The following HSD17B11 variants were observed in gnomAD, a reference collection of about 807,000 sequenced individuals.
The protein encoded by HSD17B11 is hydroxysteroid 17-beta dehydrogenase 11, also known as estradiol 17-beta-dehydrogenase 11.
A neutral mutation model predicts 27.8 loss-of-function variants in HSD17B11; 22 were observed. The observed-to-expected ratio is 0.79, with a 90% CI of 0.56 to 1.13. The LOEUF (loss-of-function observed/expected upper bound fraction) is 1.13. Ranked by LOEUF, HSD17B11 falls within the 50% of genes most tolerant of loss-of-function variation. The pLI, the probability that HSD17B11 is intolerant of heterozygous loss-of-function variation, is 0.00. For missense variants in HSD17B11, 314 were observed against 351.1 expected (o/e 0.89, Z 0.84); for synonymous variants, 117 against 132.8 (o/e 0.88, Z 0.82).
At chr4:87,371,502 G>T (rs1372790509) in intron 4 of HSD17B11, among the ~76,000 whole-genome samples, 1 of 152,156 alleles carries the variant, frequency 6.6e-6, no homozygotes, top group Non-Finnish European at 1.5e-5. Context: ...GACCTGCATG[G>T]TAGTTAAATG....
intron 5 of HSD17B11, among the ~76,000 whole-genome samples, chr4:87,342,795 T>C (rs1163559833): frequency 6.6e-6 from 1 of 152,128 alleles, no homozygotes; most frequent in Non-Finnish European, 1.5e-5. Context: ...GCAATAGTAT[T>C]ACATATGAAA....
rs1735069564 is a variant in HSD17B11, at chr4:87,337,066, A to G, written c.*210T>C. ...CTTTTTCTTCATTTTCCTTAAAGTC[A>G]CCTCTAAAGGTATTTCTCTGTTTAT... On this transcript the variant is annotated 3_prime_UTR_variant, in exon 7 of 7. Coordinates refer to ENST00000358290, the MANE Select transcript of HSD17B11 (RefSeq NM_016245.5). 2 of 458,682 alleles carry G rather than the reference A, an allele frequency of 4.4e-6. No individual in the cohort carries two copies. The highest frequency in any genetic ancestry group is 7.6e-6 in the Non-Finnish European group (2 of 261,702). 28.4% of individuals were successfully genotyped at this position (458,682 alleles called of 1,614,324 possible). A position where few individuals can be genotyped will look rare whatever the true frequency, so the allele number is the denominator to read the frequency against.
chr4:87,363,424 A>G (rs577220220), intron 4 of HSD17B11, among the ~76,000 whole-genome samples: 19 of 152,310 alleles, frequency 1.2e-4, no homozygotes, highest in Non-Finnish European at 2.5e-4. Context: ...GTAGAGGGGT[A>G]CTTCAGGATA....
chr4:87,390,808 A>G lies in HSD17B11; in HGVS notation c.210+53T>C, dbSNP rs1036838873. ...AAGGGTGGTTGCCAGCAAAATGCAGACACATCCACAAATTAAAGGTACCAG... is the reference window on the plus strand; with the variant it reads ...AAGGGTGGTTGCCAGCAAAATGCAGGCACATCCACAAATTAAAGGTACCAG... On this transcript the variant is annotated intron_variant, in intron 1 of 6. Coordinates refer to ENST00000358290, the MANE Select transcript of HSD17B11 (RefSeq NM_016245.5). 3 of 1,511,724 alleles carry G rather than the reference A, an allele frequency of 2.0e-6. No individual in the cohort carries two copies. The South Asian group carries it at 3.4e-5, about 17-fold the overall frequency. 93.6% of individuals were successfully genotyped at this position (1,511,724 alleles called of 1,614,324 possible).
At chr4:87,389,482 C>T (rs759889156) in intron 1 of HSD17B11, among the ~76,000 whole-genome samples, 4 of 152,158 alleles carry the variant, frequency 2.6e-5, no homozygotes, top group Non-Finnish European at 5.9e-5. Flanking sequence ...CCTCGGCCTC[C>T]AAAAGTGCTG....
chr4:87,385,345 A>G (rs937681506), intron 1 of HSD17B11, among the ~76,000 whole-genome samples: 1 of 152,198 alleles, frequency 6.6e-6, no homozygotes, highest in African/African-American at 2.4e-5. Flanking sequence ...TACCATATGA[A>G]TGTACTTATA....
chr4:87,388,888 T>C (rs1296256223), intron 1 of HSD17B11, among the ~76,000 whole-genome samples: 1 of 152,210 alleles, frequency 6.6e-6, no homozygotes, highest in Non-Finnish European at 1.5e-5. Flanking sequence ...AACTCTTACA[T>C]ACATTTAAAT....
intron 4 of HSD17B11, among the ~76,000 whole-genome samples, chr4:87,369,425 C>T (rs1174788809): frequency 2.1e-5 from 3 of 141,054 alleles, no homozygotes; most frequent in Non-Finnish European, 3.0e-5. Context: ...ACTTCTTATT[C>T]CAAATTCTTT....
At chr4:87,364,849 A>T (rs991327620) in intron 4 of HSD17B11, among the ~76,000 whole-genome samples, 6 of 152,164 alleles carry the variant, frequency 3.9e-5, no homozygotes, top group Non-Finnish European at 7.3e-5. Flanking sequence ...CAAGGGCTCC[A>T]CTCTGAAACC....
rs1735787882 is a variant in HSD17B11 at position 87,374,843 on chromosome 4, AAAT to A, written c.319-16_319-14del. The A allele has an allele frequency of 1.3e-6, 2 of 1,549,376 alleles. No individual in the cohort carries two copies. The highest frequency in any genetic ancestry group is 2.8e-5 in the African/African-American group (2 of 71,832). On this transcript the variant is annotated splice_polypyrimidine_tract_variant and intron_variant, in intron 2 of 6. Coordinates refer to ENST00000358290, the MANE Select transcript of HSD17B11 (RefSeq NM_016245.5). The stretch of plus-strand genomic sequence containing the variant: ...TTTCTGCCTTCACCTTCAAAAAATA[AAAT>A]AAGAAAAGTAAATTCATTAAGAGGT...
intron 1 of HSD17B11, among the ~76,000 whole-genome samples, chr4:87,383,044 A>G (rs1010953851): frequency 2.0e-5 from 3 of 152,212 alleles, no homozygotes; most frequent in Non-Finnish European, 4.4e-5. Flanking sequence ...ACGGGAACAC[A>G]GAGGGGCACA....
intron 1 of HSD17B11, among the ~76,000 whole-genome samples, chr4:87,385,462 A>G (rs568292068): frequency 3.9e-5 from 6 of 152,206 alleles, no homozygotes; most frequent in Admixed American, 3.9e-4. Context: ...ATGGGTACAG[A>G]TTTTCATCTT....
At chr4:87,375,189 G>A (rs1285191316) in intron 2 of HSD17B11, among the ~76,000 whole-genome samples, 1 of 152,164 alleles carries the variant, frequency 6.6e-6, no homozygotes, top group Non-Finnish European at 1.5e-5. Context: ...ATGAGTCACT[G>A]TTCCCGTCTT....
rs1434743137 is a variant in HSD17B11, at chr4:87,372,715, G to C, written c.551C>G (p.Ala184Gly). 6.3e-7 allele frequency: 1 copy of C among 1,595,020 alleles called. No individual in the cohort carries two copies. The highest frequency in any genetic ancestry group is 2.2e-5 in the East Asian group (1 of 44,832). The change falls in exon 4 of 7, where the codon GCT becomes GGT. Residue 184 changes from alanine (A) to glycine (G), a missense_variant. Physicochemically the swap from Ala to Gly is moderately conservative, Grantham distance 60. Transcript: ENST00000358290. The stretch of plus-strand genomic sequence containing the variant: ...GAAACACATGTTCACATACCAGTAA[G>C]CCAGTAAGAAGGGGACCGAGACATG... ...AGHVSVPFLLAYCSSKFAAVG... is the reference protein window; with the variant it reads ...AGHVSVPFLLGYCSSKFAAVG...
At chr4:87,381,187 A>C (rs796833805) in intron 2 of HSD17B11, among the ~76,000 whole-genome samples, 481 of 27,080 alleles carry the variant, frequency 0.018, 1 homozygote, top group Middle Eastern at 0.028. Context: ...ACTCCATTTC[A>C]AAAAAAAAAA....
At position 87,347,050 on chromosome 4, in the gene HSD17B11, G is replaced by A. The variant is rs528066988; in HGVS notation, c.696-6444C>T. Among the ~76,000 whole-genome samples, 3 of 149,308 alleles carry A rather than the reference G, an allele frequency of 2.0e-5. No homozygotes were observed. The South Asian group carries it at 6.4e-4, about 32-fold the overall frequency. On this transcript the variant is annotated intron_variant, in intron 5 of 6. Coordinates refer to ENST00000358290, the MANE Select transcript of HSD17B11 (RefSeq NM_016245.5). ...TAAACAGTAAATTGTATTGATTATTGGGAGCAATAGCATCTCCTAGTGATG... is the reference window on the plus strand; with the variant it reads ...TAAACAGTAAATTGTATTGATTATTAGGAGCAATAGCATCTCCTAGTGATG...
chr4:87,340,539 T>G lies in HSD17B11; in HGVS notation c.763A>C (p.Lys255Gln). The G allele has an allele frequency of 3.7e-6, 6 of 1,611,522 alleles. No homozygotes were observed. Among genetic ancestry groups the G allele is most frequent in the South Asian group, 1.1e-5 (1 of 90,442 alleles). The change falls in exon 6 of 7, where the codon AAG (lysine) becomes CAG (glutamine). Residue 255 changes from lysine (K) to glutamine (Q), a missense_variant. By Grantham distance (53) the Lys-to-Gln change is moderately conservative. Coordinates refer to ENST00000358290, the MANE Select transcript of HSD17B11 (RefSeq NM_016245.5). ...RLMHGILTEQ[K>Q]MIFIPSSIAF... is the part of the protein sequence containing the mutation. The stretch of plus-strand genomic sequence containing the variant: ...ATAGAAGATGGAATAAAAATCATCT[T>G]CTGCTCAGTCAGAATCCCATGCATC...
chr4:87,375,000 T>C (rs941447869), intron 2 of HSD17B11, among the ~76,000 whole-genome samples, 170 bp from the exon 3 acceptor site: 1 of 152,128 alleles, frequency 6.6e-6, no homozygotes, highest in African/African-American at 2.4e-5. Flanking sequence ...TTCAAGAGAT[T>C]CTCTGGCCTC....
At chr4:87,357,979 T>TG (rs1735421894) in intron 4 of HSD17B11, among the ~76,000 whole-genome samples, 1 of 133,672 alleles carries the variant, frequency 7.5e-6, no homozygotes, top group Non-Finnish European at 1.6e-5. Context: ...TTTTTTTTTT[T>TG]GAGACAGAGT....
Sources: allele counts gnomAD v4.1 joint callset (sites outside exome capture counted in the v4.1 genomes callset), GRCh38; gene constraint gnomAD v4.1.1; transcripts MANE v1.5; gene names NCBI Gene and HGNC (gene_info 2026-07-23, HGNC 2026-07-21).